The following PHLDB2 variants were observed in gnomAD, a reference collection of about 807,000 sequenced individuals.
PHLDB2 encodes the protein pleckstrin homology like domain family B member 2.
A neutral mutation model predicts 123.6 loss-of-function variants in PHLDB2; 71 were observed. The ratio of observed to expected loss-of-function variants is 0.57; its 90% CI spans 0.47 to 0.70. The LOEUF is 0.70. Among genes scored for constraint, PHLDB2 ranks in the 30% least tolerant of loss-of-function variants. PHLDB2 has a pLI of 0.00. For synonymous variants in PHLDB2, 547 were observed against 541.6 expected (o/e 1.01, Z -0.14); for missense variants, 1,446 against 1,519.5 (o/e 0.95, Z 0.80).
intron 1 of PHLDB2, among the ~76,000 whole-genome samples, chr3:111,805,282 C>T (rs896712734): frequency 5.3e-5 from 8 of 152,072 alleles, no homozygotes; most frequent in African/African-American, 1.7e-4. Context: ...TTACTGGGGC[C>T]GGGCGCTGTG....
chr3:111,841,237 C>T (rs535330068), intron 1 of PHLDB2, among the ~76,000 whole-genome samples: 187 of 152,106 alleles, frequency 1.2e-3, no homozygotes, highest in African/African-American at 4.3e-3. Context: ...GTAGCTGGGA[C>T]TACAGGCACC....
At chr3:111,967,614 G>T in intron 14 of PHLDB2, 64 bp from the exon 15 acceptor site, 3 of 1,460,344 alleles carry the variant, frequency 2.1e-6, no homozygotes, top group Non-Finnish European at 2.7e-6. Flanking sequence ...TTTTTATATT[G>T]ATTGGAACCA....
rs564052182 is a variant in PHLDB2, at chr3:111,860,815, C to A, written c.-15+1239C>A. On this transcript the variant is annotated intron_variant, in intron 1 of 17. Coordinates refer to ENST00000431670, the MANE Select transcript of PHLDB2 (RefSeq NM_001134438.2). ...CTCTAAAGAGCTCTAGAATGCACAA[C>A]TAGTCATAGCCAGGCACAGCTGGGA... Among the ~76,000 whole-genome samples the A allele has an allele frequency of 1.6e-4, 25 of 152,344 alleles. 1 individual carries two copies. The highest frequency in any genetic ancestry group is 3.4e-3 in the Middle Eastern group (1 of 294).
intron 1 of PHLDB2, among the ~76,000 whole-genome samples, chr3:111,767,030 CAAAAAAAAAAAAAA>C (rs5851783): frequency 1.6e-5 from 1 of 63,040 alleles, no homozygotes; most frequent in African/African-American, 5.6e-5. Context: ...GACTTCATCT[CAAAAAAAAAAAAAA>C]AAAAAAAAAG....
rs533214517 is a variant in PHLDB2 at position 111,777,074 on chromosome 3, G to A, written c.-49+44371G>A. Among the ~76,000 whole-genome samples the A allele has an allele frequency of 5.3e-5, 8 of 152,136 alleles. No individual in the cohort carries two copies. In the East Asian group the frequency reaches 1.5e-3, roughly 29 times the overall value. Reference sequence around the variant, plus strand: ...AATGACACAGGAGGCCCAGACAGAAGGGCTTTGATGAGGAGGCAGCATCAT... The same window carrying A: ...AATGACACAGGAGGCCCAGACAGAAAGGCTTTGATGAGGAGGCAGCATCAT... On this transcript the variant is annotated intron_variant, in intron 1 of 17. Transcript: ENST00000393923.
intron 2 of PHLDB2, chr3:111,911,513 A>G (rs1193667941): frequency 3.0e-6 from 3 of 987,834 alleles, no homozygotes; most frequent in Admixed American, 2.4e-5. Context: ...AATGAAGGCT[A>G]TGTCCCCCCT....
intron 5 of PHLDB2, among the ~76,000 whole-genome samples, chr3:111,923,882 C>G (rs2068665070): frequency 6.6e-6 from 1 of 152,186 alleles, no homozygotes; most frequent in Non-Finnish European, 1.5e-5. Flanking sequence ...TCAATCCATT[C>G]TCTTCACAGC....
chr3:111,844,079 C>A (rs763899673), intron 1 of PHLDB2, among the ~76,000 whole-genome samples: 5 of 152,150 alleles, frequency 3.3e-5, no homozygotes, highest in African/African-American at 2.4e-5. Flanking sequence ...ATAAAAAGAG[C>A]TTATTCTAGT....
At chr3:111,940,465 T>C in intron 7 of PHLDB2, 70 bp from the exon 8 acceptor site, 1 of 886,112 alleles carries the variant, frequency 1.1e-6, no homozygotes, top group South Asian at 1.9e-5. Context: ...TTTCTCCCTT[T>C]TCTAGGACAG....
intron 1 of PHLDB2, among the ~76,000 whole-genome samples, chr3:111,801,192 T>A (rs1019927627): frequency 4.6e-5 from 7 of 152,144 alleles, no homozygotes; most frequent in Admixed American, 6.5e-5. Flanking sequence ...CAAGGCCCCT[T>A]GTTCAAAAGT....
chr3:111,859,443 A>C lies in PHLDB2; in HGVS notation c.-148A>C. The C allele has an allele frequency of 5.1e-6, 5 of 985,542 alleles. No individual in the cohort carries two copies. The highest frequency in any genetic ancestry group is 6.0e-6 in the Non-Finnish European group (5 of 830,004). The allele number at this position is 985,542 out of a possible 1,614,324, so 61.0% of individuals were successfully genotyped here. A position where few individuals can be genotyped will look rare whatever the true frequency, so the allele number is the denominator to read the frequency against. On this transcript the variant is annotated 5_prime_UTR_variant, in exon 1 of 18. Coordinates refer to ENST00000431670, the MANE Select transcript of PHLDB2 (RefSeq NM_001134438.2). ...CGCGGTGGTTACAAAGGGGGTCAAG[A>C]GTGCCGGACCCAGCCGCGCGGAGCC...
At chr3:111,922,214 TA>T (rs1411328678) in intron 5 of PHLDB2, among the ~76,000 whole-genome samples, 8 of 152,216 alleles carry the variant, frequency 5.3e-5, no homozygotes, top group Non-Finnish European at 1.5e-5. Context: ...CTAATCCATG[TA>T]GTTATTTATT....
At chr3:111,876,530 A>G (rs949464011) in intron 1 of PHLDB2, among the ~76,000 whole-genome samples, 1 of 152,298 alleles carries the variant, frequency 6.6e-6, no homozygotes, top group East Asian at 1.9e-4. Flanking sequence ...ATTTAGAGAA[A>G]AGAGGTTATT....
chr3:111,749,382 G>A (rs115712788), intron 1 of PHLDB2, among the ~76,000 whole-genome samples: 322 of 152,184 alleles, frequency 2.1e-3, no homozygotes, highest in South Asian at 3.9e-3. Flanking sequence ...GATGATGTAA[G>A]TATAAATAAA....
chr3:111,781,093 A>G (rs2060457073), intron 1 of PHLDB2, among the ~76,000 whole-genome samples: 1 of 143,602 alleles, frequency 7.0e-6, no homozygotes, highest in East Asian at 1.9e-4. Flanking sequence ...AGTTTTCTCT[A>G]AAGTCATTTT....
chr3:111,865,203 A>G (rs570808477), intron 1 of PHLDB2, among the ~76,000 whole-genome samples: 2 of 152,306 alleles, frequency 1.3e-5, no homozygotes, highest in East Asian at 3.9e-4. Context: ...CTTTTCAAAA[A>G]CAGCTTAAGA....
chr3:111,911,485 A>C, intron 2 of PHLDB2: 1 of 745,950 alleles, frequency 1.3e-6, no homozygotes, highest in South Asian at 1.9e-5. Flanking sequence ...AGATTGTTGG[A>C]GAAGTTTAAA....
intron 1 of PHLDB2, among the ~76,000 whole-genome samples, chr3:111,805,635 GA>G (rs1333558466): frequency 2.0e-5 from 3 of 149,716 alleles, no homozygotes; most frequent in South Asian, 2.2e-4. Flanking sequence ...CTTAGTGAAA[GA>G]AGCCAGACAC....
intron 1 of PHLDB2, among the ~76,000 whole-genome samples, chr3:111,751,958 T>C (rs1261723744): frequency 2.6e-5 from 4 of 152,182 alleles, no homozygotes; most frequent in Admixed American, 2.0e-4. Flanking sequence ...TATTAGATTG[T>C]GGTAGATTTT....
Sources: gnomAD v4.1 joint callset for allele counts (sites outside exome capture counted in the v4.1 genomes callset) on GRCh38, gnomAD v4.1.1 for gene constraint, MANE v1.5 for transcripts, NCBI Gene and HGNC (gene_info 2026-07-23, HGNC 2026-07-21) for gene names.